MUC6: variants seen among roughly 807,000 people sequenced by gnomAD.
MUC6 encodes mucin 6, oligomeric mucus/gel-forming (gene/pseudogene), also known as mucin-6.
MUC6 carries 188 observed loss-of-function variants against 201.5 expected under a neutral mutation model. That is an observed-to-expected ratio of 0.93 (90% CI 0.83 to 1.05). MUC6 has a LOEUF of 1.05. Among genes scored for constraint, MUC6 ranks in the 50% least tolerant of loss-of-function variants. The probability of loss-of-function intolerance (pLI) is 0.00; values close to 1 mark genes in which losing one functional copy is unlikely to be tolerated. For synonymous variants in MUC6, 1,228 were observed against 1,389.4 expected, an observed-to-expected ratio of 0.88 and a Z score of 2.58; for missense variants, 2,706 against 3,256.9, an observed-to-expected ratio of 0.83 and a Z score of 4.12.
intron 9 of MUC6, 42 bp from the exon 10 acceptor site, chr11:1,029,408 G>T: frequency 6.3e-7 from 1 of 1,592,932 alleles, no homozygotes; most frequent in Non-Finnish European, 8.5e-7. Flanking sequence ...GGGCAGGGCC[G>T]CTGGAGCCAG....
At chr11:1,035,864 G>T (rs957283812) in intron 1 of MUC6, among the ~76,000 whole-genome samples, 1 of 152,152 alleles carries the variant, frequency 6.6e-6, no homozygotes, top group African/African-American at 2.4e-5. Context: ...TGCCTTGGTC[G>T]GCAAGAGGGG....
In MUC6 at chr11:1,019,834, G is replaced by A. The variant is rs893567575; in HGVS notation, c.3808+256C>T. The A allele has an allele frequency of 4.6e-6, 3 of 654,754 alleles. No individual in the cohort carries two copies. In the East Asian group the frequency reaches 8.1e-5, roughly 18 times the overall value. 40.6% of individuals were successfully genotyped at this position (654,754 alleles called of 1,614,324 possible). ...GGGCAGGGGCAGGCTGCCTGGCAGA[G>A]GCCCTGCAGGTCCCACACGGTTTCT... On this transcript the variant is annotated intron_variant, in intron 29 of 32. Transcript: ENST00000421673.
chr11:1,020,857 G>A, intron 27 of MUC6, 123 bp from the exon 28 acceptor site: 2 of 1,280,208 alleles, frequency 1.6e-6, no homozygotes, highest in Non-Finnish European at 2.2e-6. Context: ...GGGACTGGAG[G>A]GGCTGGGAGC....
Position 1,028,280 on chromosome 11 carries a change from A to G in MUC6, c.1699T>C (p.Cys567Arg). The G allele has an allele frequency of 6.2e-7, 1 of 1,605,350 alleles. No homozygotes were observed. The highest frequency in any genetic ancestry group is 1.3e-5 in the African/African-American group (1 of 74,848). The change falls in exon 14 of 33, where the codon TGT becomes CGT. Residue 567 changes from cysteine (C) to arginine (R), a missense_variant. By Grantham distance (180) the Cys-to-Arg change is radical. Transcript: ENST00000421673. ...GTCTCACGCTCCAGAGCGGCCGGAC[A>G]GTTCCCCGCCCGCCAGGAGTCCACA... ...LFVDSWRAGN[C>R]PAALERETDP...
chr11:1,021,448 G>A (rs1856806131), intron 26 of MUC6, among the ~76,000 whole-genome samples, 171 bp from the exon 27 acceptor site: 1 of 148,604 alleles, frequency 6.7e-6, no homozygotes, highest in African/African-American at 2.5e-5. Flanking sequence ...TTCGCTCACT[G>A]CAACCTCTGC....
rs747119354 is a variant in MUC6 at position 1,025,022 on chromosome 11, C to T, written c.3047G>A (p.Arg1016His). ...CTCGCTGGATGCCACGTACCTGCTG[C>T]GCGTCTCGAAGTCGTCCTTCATGTT... Reference protein sequence around the residue: ...NGNMKDDFETRSRYVASSELE... With the variant: ...NGNMKDDFETHSRYVASSELE... The change falls in exon 24 of 33, where the codon CGC becomes CAC. Residue 1016 changes from arginine (R) to histidine (H), a missense_variant. Arg to His is a conservative substitution (Grantham distance 29). Around this residue, in one of 10 missense-constraint regions of MUC6, gnomAD observed 1,850 missense variants for 1,958.3 expected, o/e 0.94. Transcript: ENST00000421673. 9.3e-6 allele frequency: 15 copies of T among 1,612,950 alleles called. No homozygotes were observed. The highest frequency in any genetic ancestry group is 2.2e-5 in the East Asian group (1 of 44,866).
chr11:1,036,594 CCTCA>C lies in MUC6; in HGVS notation c.52+6_52+9del, dbSNP rs781208097. On this transcript the variant is annotated splice_donor_region_variant and intron_variant, in intron 1 of 32. Coordinates refer to ENST00000421673, the MANE Select transcript of MUC6 (RefSeq NM_005961.3). The stretch of plus-strand genomic sequence containing the variant: ...CACCGCAGTGTCTGGCGCCCCTCGA[CCTCA>C]CTCACCAGCGCTGAGCAGGGCTCCG... 14 of 1,548,790 alleles carry C rather than the reference CCTCA, an allele frequency of 9.0e-6. No homozygotes were observed. Among genetic ancestry groups the C allele is most frequent in the African/African-American group, 1.4e-5 (1 of 72,992 alleles).
Position 1,030,354 on chromosome 11 carries a change from C to T in MUC6, c.893-19G>A. 6.5e-6 allele frequency: 10 copies of T among 1,545,286 alleles called. No individual in the cohort carries two copies. Among genetic ancestry groups the T allele is most frequent in the Non-Finnish European group, 8.7e-6 (10 of 1,145,718 alleles). The stretch of plus-strand genomic sequence containing the variant: ...CCCACGGCTGTGGGCACACGCGGCT[C>T]CGGTGAGAGGGTCCCACCCCCCCCA... On this transcript the variant is annotated intron_variant, in intron 7 of 32. Coordinates refer to ENST00000421673, the MANE Select transcript of MUC6 (RefSeq NM_005961.3).
Position 1,026,360 on chromosome 11 carries a change from C to G in MUC6, c.2513G>C (p.Gly838Ala). 1 of 1,597,778 alleles carries G rather than the reference C, an allele frequency of 6.3e-7. No individual in the cohort carries two copies. The highest frequency in any genetic ancestry group is 8.5e-7 in the Non-Finnish European group (1 of 1,172,642). The change falls in exon 20 of 33, where the codon GGA (glycine) becomes GCA (alanine). Residue 838 changes from glycine to alanine, a missense_variant. Transcript: ENST00000421673. ...PCEFSGVSYP[G>A]GAELHTDCRT... ...GCAGTCAGTGTGGAGCTCAGCTCCT[C>G]CAGGGTAGGAGACCCCCGAGAACTC...
Position 1,029,611 on chromosome 11 carries a change from C to A in MUC6, c.1020G>T (p.Thr340=). The A allele has an allele frequency of 6.3e-7, 1 of 1,584,088 alleles. No individual in the cohort carries two copies. The highest frequency in any genetic ancestry group is 8.6e-7 in the Non-Finnish European group (1 of 1,161,960). Residue 340 remains threonine (T), a synonymous_variant, in exon 9 of 33, where the codon ACG becomes ACT. Coordinates refer to ENST00000421673, the MANE Select transcript of MUC6 (RefSeq NM_005961.3). ...CTFGCFCPEG[T]VLNDLSNNHT... ...GGTTATTGGAGAGGTCATTCAGGAC[C>A]GTACCTGCAGGAGAGGGTCTTCTTG...
chr11:1,020,621 G>T (rs1856785020), intron 28 of MUC6, 63 bp downstream of exon 28: 1 of 1,605,736 alleles, frequency 6.2e-7, no homozygotes, highest in Non-Finnish European at 8.5e-7. Context: ...ATTTGTCCAG[G>T]GAACCGAGGG....
intron 13 of MUC6, 49 bp downstream of exon 13, chr11:1,028,597 A>T: frequency 6.3e-7 from 1 of 1,589,630 alleles, no homozygotes; most frequent in Non-Finnish European, 8.6e-7. Flanking sequence ...TCATGGCCAG[A>T]CCCTGTAGGG....
chr11:1,031,392 G>T, intron 4 of MUC6, 133 bp from the exon 5 acceptor site: 1 of 1,171,606 alleles, frequency 8.5e-7, no homozygotes, highest in Non-Finnish European at 1.2e-6. Context: ...CTTCTTATGG[G>T]AGGCTAATTT....
intron 24 of MUC6, 46 bp from the exon 25 acceptor site, chr11:1,024,149 G>A (rs756039680): frequency 8.9e-6 from 14 of 1,578,664 alleles, no homozygotes; most frequent in African/African-American, 5.4e-5. Flanking sequence ...GGGGGATGGC[G>A]GGGCATCAGG....
At chr11:1,029,958 C>T (rs979041171) in intron 8 of MUC6, among the ~76,000 whole-genome samples, 11 of 152,380 alleles carry the variant, frequency 7.2e-5, no homozygotes, top group African/African-American at 2.4e-4. Flanking sequence ...CCTGCCTTCC[C>T]TCGGCAGCTC....
At chr11:1,032,164 G>C in intron 2 of MUC6, 111 bp from the exon 3 acceptor site, 2 of 1,429,132 alleles carry the variant, frequency 1.4e-6, no homozygotes, top group Non-Finnish European at 1.9e-6. Context: ...TTTTGAGTTG[G>C]GGCCAGGCTG....
chr11:1,033,293 A>C lies in MUC6; in HGVS notation c.53-218T>G. On this transcript the variant is annotated intron_variant, in intron 1 of 32. Coordinates refer to ENST00000421673, the MANE Select transcript of MUC6 (RefSeq NM_005961.3). The surrounding 1 kb of genome is among the most constrained non-coding windows in gnomAD (Gnocchi z 5.6). ...CCAGCTTCCTTCCCTGCTCTCGTTC[A>C]CTCCCTCGTTTGTCCACTCAGTCCC... 11 of 562,762 alleles carry C rather than the reference A, an allele frequency of 2.0e-5. No homozygotes were observed. The highest frequency in any genetic ancestry group is 6.6e-5 in the South Asian group (3 of 45,254). The allele number at this position is 562,762 out of a possible 1,614,324, so 34.9% of individuals were successfully genotyped here.
intron 5 of MUC6, 53 bp downstream of exon 5, chr11:1,031,115 CT>C: frequency 7.2e-7 from 1 of 1,395,068 alleles, no homozygotes; most frequent in Non-Finnish European, 9.6e-7. Flanking sequence ...CCCCCCTGCC[CT>C]GCCCCCCACC....
At position 1,033,204 on chromosome 11, in the gene MUC6, C is replaced by G; in HGVS notation, c.53-129G>C. 1 of 902,860 alleles carries G rather than the reference C, an allele frequency of 1.1e-6. No homozygotes were observed. 55.9% of individuals were successfully genotyped at this position (902,860 alleles called of 1,614,324 possible). On this transcript the variant is annotated intron_variant, in intron 1 of 32. Coordinates refer to ENST00000421673, the MANE Select transcript of MUC6 (RefSeq NM_005961.3). This position sits in a 1 kb window ranked among gnomAD's most constrained non-coding sequence, Gnocchi z 5.6. The stretch of plus-strand genomic sequence containing the variant: ...CGGCGTGCGAGAAGTGTCCATGGCC[C>G]GTGGGGCTCGAGGCCTCAACAGCAA...
Sources: gnomAD v4.1 joint callset for allele counts (sites outside exome capture counted in the v4.1 genomes callset) on GRCh38, gnomAD v4.1.1 for gene constraint, gnomAD v4.1.1 regional missense constraint, Gnocchi (gnomAD v3.1) non-coding constraint, MANE v1.5 for transcripts, NCBI Gene and HGNC (gene_info 2026-07-23, HGNC 2026-07-21) for gene names.